Variants in TRAPPC9 observed in about 807,000 individuals in gnomAD.
TRAPPC9 encodes the protein IKK2 binding protein.
In TRAPPC9, 83 loss-of-function variants were observed where a neutral mutation model predicts 124.0. That is an observed-to-expected ratio of 0.67 (90% CI 0.56 to 0.80). The LOEUF (loss-of-function observed/expected upper bound fraction) is 0.80. Among genes scored for constraint, TRAPPC9 ranks in the 30% least tolerant of loss-of-function variants. The pLI is 0.00. For synonymous variants in TRAPPC9, 638 were observed against 617.5 expected (o/e 1.03, Z -0.49); for missense variants, 1,302 against 1,508.3 (o/e 0.86, Z 2.27).
chr8:139,924,544 C>T (rs1347593790), intron 19 of TRAPPC9, among the ~76,000 whole-genome samples: 1 of 152,220 alleles, frequency 6.6e-6, no homozygotes, highest in East Asian at 1.9e-4. Context: ...CTGCCGGGCC[C>T]TGGCACAATC....
chr8:139,972,223 AGCAAAAC>A (rs1836148819), intron 19 of TRAPPC9, among the ~76,000 whole-genome samples: 2 of 152,166 alleles, frequency 1.3e-5, no homozygotes, highest in South Asian at 4.1e-4. Flanking sequence ...GGGAGAATTG[AGCAAAAC>A]GCATTTAAGG....
chr8:140,186,306 G>A (rs2062353138), intron 17 of TRAPPC9, among the ~76,000 whole-genome samples: 1 of 152,162 alleles, frequency 6.6e-6, no homozygotes, highest in East Asian at 1.9e-4. Context: ...TTATTAGGCT[G>A]GGCATGGTGG....
intron 17 of TRAPPC9, among the ~76,000 whole-genome samples, chr8:140,193,015 G>A (rs547081632): frequency 3.8e-4 from 58 of 152,206 alleles, no homozygotes; most frequent in African/African-American, 1.1e-3. Flanking sequence ...CAAGTGATCC[G>A]CCCGCCTCGG....
At position 140,311,291 on chromosome 8, in the gene TRAPPC9, G is replaced by A; in HGVS notation, c.1579C>T (p.Leu527Phe). ...TMEPIALPGG[L>F]TLPPVPFTKL... Reference sequence around the variant, plus strand: ...GTGAAGGGCACCGGTGGCAGGGTGAGGCCGCCAGGGAGGGCGATGGGCTCC... The same window carrying A: ...GTGAAGGGCACCGGTGGCAGGGTGAAGCCGCCAGGGAGGGCGATGGGCTCC... Residue 527 changes from leucine (L) to phenylalanine (F), a missense_variant, in exon 10 of 23, where the codon CTC becomes TTC. This residue lies in a region of TRAPPC9 where 657 missense variants were observed against 811.2 expected (regional missense o/e 0.81). Transcript: ENST00000438773. 1.9e-6 allele frequency: 3 copies of A among 1,613,514 alleles called. No individual in the cohort carries two copies. The highest frequency in any genetic ancestry group is 1.7e-6 in the Non-Finnish European group (2 of 1,180,022).
chr8:140,370,831 C>T (rs1339558786), intron 8 of TRAPPC9, 133 bp downstream of exon 8: 1 of 975,668 alleles, frequency 1.0e-6, no homozygotes. Context: ...CACCCAACTC[C>T]AGGGCAGGGA....
At chr8:140,112,435 T>G (rs1019152922) in intron 17 of TRAPPC9, among the ~76,000 whole-genome samples, 1 of 148,570 alleles carries the variant, frequency 6.7e-6, no homozygotes, top group Admixed American at 6.7e-5. Context: ...GTGGGACAGG[T>G]GCGAGGAGAG....
intron 15 of TRAPPC9, among the ~76,000 whole-genome samples, chr8:140,255,657 G>A (rs189139949): frequency 1.5e-3 from 227 of 152,328 alleles, no homozygotes; most frequent in African/African-American, 5.1e-3. Flanking sequence ...AGGCCAAGGC[G>A]GGCAGATCAC....
At chr8:140,385,636 A>G (rs2068734733) in intron 7 of TRAPPC9, among the ~76,000 whole-genome samples, 1 of 152,260 alleles carries the variant, frequency 6.6e-6, no homozygotes, top group South Asian at 2.1e-4. Context: ...GAATCTCTGA[A>G]TAGACCAATA....
chr8:140,387,740 G>C (rs1361087140), intron 7 of TRAPPC9, among the ~76,000 whole-genome samples: 1 of 152,180 alleles, frequency 6.6e-6, no homozygotes, highest in African/African-American at 2.4e-5. Flanking sequence ...TGCTGGAGAG[G>C]ACGTGGAGAA....
chr8:140,369,745 A>G (rs913862323), intron 8 of TRAPPC9, among the ~76,000 whole-genome samples: 3 of 152,138 alleles, frequency 2.0e-5, no homozygotes, highest in Admixed American at 6.5e-5. Context: ...TGAGGTCAGG[A>G]GTTTGAGACC....
chr8:140,033,658 GTTTTTTTTTTTTTTTTTTTTTTTTTT>G (rs776155126), intron 17 of TRAPPC9, among the ~76,000 whole-genome samples: 30 of 42,400 alleles, frequency 7.1e-4, no homozygotes, highest in African/African-American at 1.6e-3. Context: ...TCATAATGTG[GTTTTTTTTTTTTTTTTTTTTTTTTTT>G]TTTTTTTTTT....
At chr8:140,178,205 G>A (rs550291014) in intron 17 of TRAPPC9, among the ~76,000 whole-genome samples, 4 of 151,954 alleles carry the variant, frequency 2.6e-5, no homozygotes, top group Non-Finnish European at 4.4e-5. Flanking sequence ...CCTTCTTACC[G>A]GCCTTAGGAG....
chr8:140,302,971 T>A (rs913132017), intron 10 of TRAPPC9: 37 of 152,192 alleles, frequency 2.4e-4, no homozygotes, highest in African/African-American at 7.7e-4. Context: ...GCTTGGCCGC[T>A]AGACCATGTA....
chr8:139,939,869 T>C (rs1051598711), intron 19 of TRAPPC9, among the ~76,000 whole-genome samples: 1 of 152,156 alleles, frequency 6.6e-6, no homozygotes, highest in South Asian at 2.1e-4. Context: ...CAGAGGCAGG[T>C]GCAGGTCTCA....
At chr8:140,351,480 T>C (rs1265947485) in intron 9 of TRAPPC9, among the ~76,000 whole-genome samples, 3 of 151,968 alleles carry the variant, frequency 2.0e-5, no homozygotes, top group Admixed American at 2.0e-4. Flanking sequence ...GCTTAAACCA[T>C]ATAGGAGGCT....
chr8:140,043,148 C>T (rs1038522900), intron 17 of TRAPPC9, among the ~76,000 whole-genome samples: 1 of 152,182 alleles, frequency 6.6e-6, no homozygotes, highest in Non-Finnish European at 1.5e-5. Context: ...CTGTTGGCTT[C>T]TATGTGCAGT....
At chr8:139,903,198 C>T (rs28556916) in intron 20 of TRAPPC9, among the ~76,000 whole-genome samples, 69,461 of 151,990 alleles carry the variant, frequency 0.46, 17,077 homozygotes, top group African/African-American at 0.66. Context: ...ATTTGTCCTC[C>T]GCATTTCACA....
intron 5 of TRAPPC9, among the ~76,000 whole-genome samples, chr8:140,424,849 G>A (rs973162519): frequency 1.3e-5 from 2 of 152,126 alleles, no homozygotes; most frequent in South Asian, 4.2e-4. Flanking sequence ...CGGTGGTGAG[G>A]AAAGCGGGTA....
At chr8:139,916,612 C>T (rs915708452) in intron 19 of TRAPPC9, 1 of 152,202 alleles carries the variant, frequency 6.6e-6, no homozygotes, top group South Asian at 2.1e-4. Flanking sequence ...AAAATTAATA[C>T]TATTATTGAA....
Sources: allele counts gnomAD v4.1 joint callset (sites outside exome capture counted in the v4.1 genomes callset), GRCh38; gene constraint gnomAD v4.1.1; regional missense constraint gnomAD v4.1.1; transcripts MANE v1.5; gene names NCBI Gene and HGNC (gene_info 2026-07-23, HGNC 2026-07-21).